JAZF1: variants seen among roughly 807,000 people sequenced by gnomAD.
JAZF1 encodes JAZF zinc finger 1.
In JAZF1, 8 loss-of-function variants were observed where a neutral mutation model predicts 26.4. The ratio of observed to expected loss-of-function variants is 0.30; its 90% CI spans 0.18 to 0.55. The LOEUF is 0.55. JAZF1 is among the 20% of genes least tolerant of loss of function. JAZF1 has a pLI of 0.94. For synonymous variants in JAZF1, 126 were observed against 122.3 expected (o/e 1.03, Z -0.20); for missense variants, 199 against 322.0 (o/e 0.62, Z 2.92).
chr7:28,098,028 C>T (rs984160405), intron 1 of JAZF1, among the ~76,000 whole-genome samples: 2 of 152,266 alleles, frequency 1.3e-5, no homozygotes, highest in Admixed American at 1.3e-4. Flanking sequence ...ACCCCAGAAA[C>T]CTTAAGCTTG....
At chr7:28,122,998 T>TC (rs1782629660) in intron 1 of JAZF1, among the ~76,000 whole-genome samples, 1 of 152,084 alleles carries the variant, frequency 6.6e-6, no homozygotes, top group African/African-American at 2.4e-5. Flanking sequence ...AGCAATCAGT[T>TC]CTATTTATCC....
At chr7:27,900,206 A>G (rs918514060) in intron 2 of JAZF1, among the ~76,000 whole-genome samples, 5 of 152,232 alleles carry the variant, frequency 3.3e-5, no homozygotes, top group Admixed American at 1.3e-4. Flanking sequence ...GAGCTGGCTC[A>G]TACTGGGTTG....
intron 2 of JAZF1, among the ~76,000 whole-genome samples, chr7:27,988,413 T>C (rs1385449510): frequency 6.6e-6 from 1 of 151,616 alleles, no homozygotes; most frequent in Non-Finnish European, 1.5e-5. Flanking sequence ...CTCCCCCCAT[T>C]ACCCAGGCTG....
intron 1 of JAZF1, among the ~76,000 whole-genome samples, chr7:28,160,827 T>C (rs1783273271): frequency 1.3e-5 from 2 of 152,224 alleles, no homozygotes; most frequent in Non-Finnish European, 2.9e-5. Context: ...CCTTTATGGC[T>C]TGCATTCAGC....
chr7:27,978,433 C>A (rs181165215), intron 2 of JAZF1, among the ~76,000 whole-genome samples: 86 of 152,296 alleles, frequency 5.6e-4, no homozygotes, highest in African/African-American at 1.9e-3. Context: ...AAAAGAGGCA[C>A]AAGAGGAGAA....
At chr7:27,976,249 G>A (rs1785467555) in intron 2 of JAZF1, among the ~76,000 whole-genome samples, 1 of 151,468 alleles carries the variant, frequency 6.6e-6, no homozygotes, top group African/African-American at 2.4e-5. Flanking sequence ...GGGAGGCTGA[G>A]GCAGGAGAAT....
Position 28,180,690 on chromosome 7 carries a change from G to T in JAZF1, c.-113C>A. On this transcript the variant is annotated 5_prime_UTR_variant, in exon 1 of 5. Transcript: ENST00000283928. ...GAGGGGCTGGGGGAGGGGGAGAGAGGCGGGGTGAGGGGAGCGGCGAGGACG... is the reference window on the plus strand; with the variant it reads ...GAGGGGCTGGGGGAGGGGGAGAGAGTCGGGGTGAGGGGAGCGGCGAGGACG... 1 of 629,334 alleles carries T rather than the reference G, an allele frequency of 1.6e-6. No individual in the cohort carries two copies. The highest frequency in any genetic ancestry group is 1.9e-5 in the South Asian group (1 of 54,034). 39.0% of individuals were successfully genotyped at this position (629,334 alleles called of 1,614,324 possible).
intron 1 of JAZF1, among the ~76,000 whole-genome samples, chr7:28,003,460 A>T (rs1171467693): frequency 6.6e-6 from 1 of 152,224 alleles, no homozygotes; most frequent in Non-Finnish European, 1.5e-5. Flanking sequence ...TTGCACATGC[A>T]TATTACTTCT....
At chr7:27,958,724 T>G (rs1054790828) in intron 2 of JAZF1, among the ~76,000 whole-genome samples, 7 of 152,202 alleles carry the variant, frequency 4.6e-5, no homozygotes, top group Non-Finnish European at 1.0e-4. Flanking sequence ...AGGTGAAATG[T>G]TCTGGCTTTG....
At position 28,036,389 on chromosome 7, in the gene JAZF1, C is replaced by A. The variant is rs76556860; in HGVS notation, c.116-44408G>T. ...GTTTTGTACAGTTATTGGGAGCATGCATATTATTTGAAAATATTAATAACC... is the reference window on the plus strand; with the variant it reads ...GTTTTGTACAGTTATTGGGAGCATGAATATTATTTGAAAATATTAATAACC... On this transcript the variant is annotated intron_variant, in intron 1 of 4. Transcript: ENST00000283928. Among the ~76,000 whole-genome samples the A allele has an allele frequency of 5.2e-3, 793 of 152,304 alleles. 4 individuals carry two copies. The highest frequency in any genetic ancestry group is 0.014 in the Middle Eastern group (4 of 294).
intron 1 of JAZF1, among the ~76,000 whole-genome samples, chr7:28,124,410 G>A (rs377715046): frequency 3.9e-5 from 6 of 152,310 alleles, no homozygotes; most frequent in African/African-American, 9.6e-5. Flanking sequence ...CAGCCCAAGC[G>A]GTTCTCGAGA....
At chr7:27,834,027 GGA>G (rs1277096850) in intron 4 of JAZF1, among the ~76,000 whole-genome samples, 10 of 152,204 alleles carry the variant, frequency 6.6e-5, no homozygotes, top group Admixed American at 5.2e-4. Flanking sequence ...ACAGATTTTA[GGA>G]GAGTGAGCTG....
intron 1 of JAZF1, chr7:28,020,481 G>C (rs1373385680): frequency 2.3e-6 from 1 of 427,088 alleles, no homozygotes; most frequent in Non-Finnish European, 4.9e-6. Flanking sequence ...CTGGAAGCAG[G>C]AGTTGAAGCC....
intron 2 of JAZF1, among the ~76,000 whole-genome samples, chr7:27,983,542 G>A (rs1219799425): frequency 1.3e-5 from 2 of 152,130 alleles, no homozygotes; most frequent in Admixed American, 1.3e-4. Context: ...TATTATCCAG[G>A]AGAACTTCCC....
intron 1 of JAZF1, among the ~76,000 whole-genome samples, chr7:28,013,327 G>T (rs189520948): frequency 2.0e-5 from 3 of 152,106 alleles, no homozygotes; most frequent in Non-Finnish European, 4.4e-5. Context: ...AATACTAATG[G>T]AATACATAAA....
intron 1 of JAZF1, among the ~76,000 whole-genome samples, chr7:28,055,733 G>A (rs916035467): frequency 1.3e-5 from 2 of 152,126 alleles, no homozygotes; most frequent in African/African-American, 2.4e-5. Context: ...GATGCACAAC[G>A]ATTATTTGCT....
At chr7:27,898,741 T>C (rs1189288627) in intron 2 of JAZF1, among the ~76,000 whole-genome samples, 1 of 152,204 alleles carries the variant, frequency 6.6e-6, no homozygotes, top group Non-Finnish European at 1.5e-5. Flanking sequence ...ATATCTTCTA[T>C]AGTGCTTTCT....
At chr7:28,035,911 T>A (rs2128375976) in intron 1 of JAZF1, among the ~76,000 whole-genome samples, 1 of 152,230 alleles carries the variant, frequency 6.6e-6, no homozygotes, top group Non-Finnish European at 1.5e-5. Flanking sequence ...GGAGAAAAAT[T>A]AAATGCAATT....
intron 1 of JAZF1, among the ~76,000 whole-genome samples, chr7:28,054,840 A>G (rs2128380963): frequency 6.6e-6 from 1 of 152,108 alleles, no homozygotes; most frequent in Non-Finnish European, 1.5e-5. Flanking sequence ...GGAGAGCTGA[A>G]AAGACGGCTG....
Sources: gnomAD v4.1 joint callset for allele counts (sites outside exome capture counted in the v4.1 genomes callset) on GRCh38, gnomAD v4.1.1 for gene constraint, MANE v1.5 for transcripts, NCBI Gene and HGNC (gene_info 2026-07-23, HGNC 2026-07-21) for gene names.